Variants in TMEM273 observed in about 807,000 individuals in gnomAD.
TMEM273 encodes the protein transmembrane protein 273.
TMEM273 carries 19 observed loss-of-function variants against 17.9 expected under a neutral mutation model. The observed-to-expected ratio is 1.06, with a 90% CI of 0.74 to 1.55. The LOEUF (loss-of-function observed/expected upper bound fraction) is 1.55, where lower values mean the gene tolerates loss of function less well. Among genes scored for constraint, TMEM273 ranks in the 40% most tolerant of loss-of-function variants. The pLI is 0.00. For synonymous variants in TMEM273, 66 were observed against 62.0 expected, an observed-to-expected ratio of 1.07 and a Z score of -0.31; for missense variants, 194 against 155.6, an observed-to-expected ratio of 1.25 and a Z score of -1.31.
intron 1 of TMEM273, among the ~76,000 whole-genome samples, chr10:49,174,534 A>T (rs1047664654): frequency 6.6e-6 from 1 of 152,076 alleles, no homozygotes; most frequent in Non-Finnish European, 1.5e-5. Context: ...TCTCTTCCTC[A>T]ATCACCCTCC....
At chr10:49,161,523 C>A in intron 6 of TMEM273, 76 bp downstream of exon 6, 1 of 1,601,376 alleles carries the variant, frequency 6.2e-7, no homozygotes, top group South Asian at 1.1e-5. Flanking sequence ...GAGGTCATGC[C>A]GAAAACCCAT....
intron 1 of TMEM273, among the ~76,000 whole-genome samples, chr10:49,174,932 G>GCA (rs1846851692): frequency 6.6e-6 from 1 of 152,160 alleles, no homozygotes; most frequent in Non-Finnish European, 1.5e-5. Context: ...TGAAAGTACA[G>GCA]TGATTAGCCA....
intron 1 of TMEM273, among the ~76,000 whole-genome samples, chr10:49,178,012 C>A (rs1294207914): frequency 6.6e-6 from 1 of 152,174 alleles, no homozygotes; most frequent in Non-Finnish European, 1.5e-5. Context: ...ATCCAGCCAG[C>A]CTCCCCTCTC....
At chr10:49,182,166 T>C (rs1847389148) in intron 1 of TMEM273, among the ~76,000 whole-genome samples, 1 of 152,204 alleles carries the variant, frequency 6.6e-6, no homozygotes, top group Admixed American at 6.5e-5. Context: ...AGAGATTTGT[T>C]ATGCAGCAAA....
chr10:49,180,907 G>A (rs779589569), intron 1 of TMEM273, among the ~76,000 whole-genome samples: 3 of 152,186 alleles, frequency 2.0e-5, no homozygotes, highest in Non-Finnish European at 2.9e-5. Context: ...TAGTACTAAC[G>A]TTCTTGTCAG....
At chr10:49,157,823 GT>G (rs541388675) in intron 6 of TMEM273, among the ~76,000 whole-genome samples, 64 of 152,284 alleles carry the variant, frequency 4.2e-4, no homozygotes, top group African/African-American at 1.3e-3. Flanking sequence ...TAACATTGGT[GT>G]TTTTAGCCAA....
At chr10:49,160,217 T>C (rs571116699) in intron 6 of TMEM273, 3 of 152,322 alleles carry the variant, frequency 2.0e-5, no homozygotes, top group Admixed American at 1.3e-4. Flanking sequence ...CCTCGTATTA[T>C]TCATTTCAGA....
intron 1 of TMEM273, among the ~76,000 whole-genome samples, chr10:49,171,402 G>T (rs1846560662): frequency 6.6e-6 from 1 of 152,238 alleles, no homozygotes; most frequent in African/African-American, 2.4e-5. Context: ...TGAGATGCGG[G>T]GGCTTTCCAC....
At chr10:49,166,592 G>T (rs1846199275) in intron 3 of TMEM273, 1 of 453,740 alleles carries the variant, frequency 2.2e-6, no homozygotes, top group South Asian at 2.3e-5. Context: ...GAAAGGAAAA[G>T]TACAGAGGGA....
intron 1 of TMEM273, among the ~76,000 whole-genome samples, chr10:49,174,991 A>G (rs1846855786): frequency 6.6e-6 from 1 of 151,916 alleles, no homozygotes; most frequent in Non-Finnish European, 1.5e-5. Flanking sequence ...AGTGTCACAG[A>G]AGCTCCCCCG....
rs3750743 is a variant in TMEM273 at position 49,155,463 on chromosome 10, G to A, written c.*429C>T. Reference sequence around the variant, plus strand: ...GGCAGCTAAGAGGGTGAAGCTAATCGTTCTACAAAGTAGTGCCTAACTGTT... The same window carrying A: ...GGCAGCTAAGAGGGTGAAGCTAATCATTCTACAAAGTAGTGCCTAACTGTT... On this transcript the variant is annotated 3_prime_UTR_variant, in exon 7 of 7. Coordinates refer to ENST00000374153, the MANE Select transcript of TMEM273 (RefSeq NM_001288740.3). 150 of 198,672 alleles carry A rather than the reference G, an allele frequency of 7.6e-4. No homozygotes were observed. The highest frequency in any genetic ancestry group is 3.8e-3 in the East Asian group (28 of 7,354). 12.3% of individuals were successfully genotyped at this position (198,672 alleles called of 1,614,324 possible).
At chr10:49,156,714 G>A (rs1020734667) in intron 6 of TMEM273, among the ~76,000 whole-genome samples, 1 of 152,226 alleles carries the variant, frequency 6.6e-6, no homozygotes, top group Non-Finnish European at 1.5e-5. Context: ...GCGGGACAGA[G>A]TGAAGCATCT....
At chr10:49,156,428 G>C (rs1845514502) in intron 6 of TMEM273, among the ~76,000 whole-genome samples, 1 of 152,208 alleles carries the variant, frequency 6.6e-6, no homozygotes, top group South Asian at 2.1e-4. Flanking sequence ...ACATGGAAGA[G>C]AAGATGAGTC....
chr10:49,184,072 A>G (rs1189051227), intron 1 of TMEM273, among the ~76,000 whole-genome samples: 1 of 152,256 alleles, frequency 6.6e-6, no homozygotes, highest in Non-Finnish European at 1.5e-5. Flanking sequence ...TTTGCAATAT[A>G]GAATCATTGC....
intron 1 of TMEM273, among the ~76,000 whole-genome samples, chr10:49,179,367 C>T (rs1847198416): frequency 6.6e-6 from 1 of 152,194 alleles, no homozygotes. Context: ...CCCCAGCAGG[C>T]ATTCTGCCTT....
chr10:49,177,535 A>C (rs72789093), intron 1 of TMEM273, among the ~76,000 whole-genome samples: 3,424 of 152,350 alleles, frequency 0.022, 56 homozygotes, highest in Middle Eastern at 0.082. Flanking sequence ...TCTTGGGGAC[A>C]GTGGCCTCTT....
intron 1 of TMEM273, among the ~76,000 whole-genome samples, chr10:49,175,093 C>T (rs1417856978): frequency 6.6e-6 from 1 of 151,638 alleles, no homozygotes; most frequent in African/African-American, 2.4e-5. Flanking sequence ...TGGAATGTGC[C>T]CAGACAGGGA....
chr10:49,166,906 G>C lies in TMEM273; in HGVS notation c.201C>G (p.Asp67Glu). ...CMIRRHLFDD[D>E]SSDLKSTPGG... ...CAGGCGTGCTTTTCAGGTCGGAAGA[G>C]TCGTCGTCAAATAAGTGCCTCCTGA... is the stretch of plus-strand genomic sequence containing the variant. Residue 67 changes from aspartate (D) to glutamate (E), a missense_variant, in exon 3 of 7, where the codon GAC (aspartate) becomes GAG (glutamate). Asp to Glu is a conservative substitution (Grantham distance 45, BLOSUM62 2). Transcript: ENST00000374153. 6.2e-7 allele frequency: 1 copy of C among 1,614,044 alleles called. No individual in the cohort carries two copies. Among genetic ancestry groups the C allele is most frequent in the Non-Finnish European group, 8.5e-7 (1 of 1,179,978 alleles).
Position 49,167,520 on chromosome 10 carries a change from A to G in TMEM273, c.97+389T>C, listed in dbSNP as rs539436868. ...CCAGAGCCTTCTCAGAGGGTGAGGC[A>G]TGCAGACTGAGCCTGGCCAGCAGAT... On this transcript the variant is annotated intron_variant, in intron 2 of 6. Transcript: ENST00000374153. 3.3e-5 allele frequency among the ~76,000 whole-genome samples: 5 copies of G among 152,322 alleles called. No individual in the cohort carries two copies. The South Asian group carries it at 8.3e-4, about 25-fold the overall frequency.
Sources: gnomAD v4.1 joint callset for allele counts (sites outside exome capture counted in the v4.1 genomes callset) on GRCh38, gnomAD v4.1.1 for gene constraint, MANE v1.5 for transcripts, NCBI Gene and HGNC (gene_info 2026-07-23, HGNC 2026-07-21) for gene names.